Variants in DYSF observed in about 807,000 individuals in gnomAD.
DYSF encodes the protein dysferlin.
Under a neutral mutation model 274.9 loss-of-function variants are expected in DYSF, and 212 were observed. That is an observed-to-expected ratio of 0.77 (90% CI 0.69 to 0.86). The LOEUF is 0.86. Among genes scored for constraint, DYSF ranks in the 40% least tolerant of loss-of-function variants. The probability of loss-of-function intolerance (pLI) is 0.00; values close to 1 mark genes in which losing one functional copy is unlikely to be tolerated. For missense variants in DYSF, 2,666 were observed against 2,783.2 expected (o/e 0.96, Z 0.95); for synonymous variants, 1,091 against 1,078.7 (o/e 1.01, Z -0.22).
In DYSF at chr2:71,656,172, C is replaced by T. The variant is rs781670260; in HGVS notation, c.4637C>T (p.Thr1546Ile). 1.2e-5 allele frequency: 19 copies of T among 1,614,010 alleles called. No homozygotes were observed. The highest frequency in any genetic ancestry group is 1.5e-5 in the Non-Finnish European group (18 of 1,180,038). ...KDFDTLKVYDTQLENVEAFEG... is the reference protein window; with the variant it reads ...KDFDTLKVYDIQLENVEAFEG... ...CCCCATGTGTGGCAGGTCTATGACA[C>T]ACAGCTGGAGAATGTGGAGGCCTTT... Residue 1546 changes from threonine to isoleucine, a missense_variant, in exon 43 of 56, where the codon ACA becomes ATA. Physicochemically the swap from Thr to Ile is moderately conservative, Grantham distance 89. Transcript: ENST00000410020.
At chr2:71,505,532 T>C (rs1559027341) in intron 4 of DYSF, among the ~76,000 whole-genome samples, 1 of 152,222 alleles carries the variant, frequency 6.6e-6, no homozygotes, top group East Asian at 1.9e-4. Context: ...TGCCGCAGGC[T>C]GACTGCAGAC....
At chr2:71,572,947 C>T (rs1254627477) in intron 29 of DYSF, among the ~76,000 whole-genome samples, 3 of 152,180 alleles carry the variant, frequency 2.0e-5, no homozygotes, top group African/African-American at 7.2e-5. Context: ...ACTGTCAGGC[C>T]CATCGTGCAC....
At chr2:71,672,609 G>A (rs1290211068) in intron 51 of DYSF, among the ~76,000 whole-genome samples, 2 of 152,182 alleles carry the variant, frequency 1.3e-5, no homozygotes, top group Non-Finnish European at 2.9e-5. Context: ...GGAGCATAAT[G>A]AGCGCCTGGG....
intron 36 of DYSF, among the ~76,000 whole-genome samples, chr2:71,605,508 A>G (rs2093630615): frequency 6.6e-6 from 1 of 151,908 alleles, no homozygotes; most frequent in Non-Finnish European, 1.5e-5. Flanking sequence ...GGGGCTTGTG[A>G]TCCTGACCAT....
At chr2:71,595,316 G>A (rs2093375546) in intron 32 of DYSF, among the ~76,000 whole-genome samples, 1 of 152,170 alleles carries the variant, frequency 6.6e-6, no homozygotes. Context: ...ATTGGCAGGC[G>A]ATCCCACCCT....
At chr2:71,574,168 G>A (rs780189283) in intron 29 of DYSF, 30 bp from the exon 30 acceptor site, 1 of 1,610,506 alleles carries the variant, frequency 6.2e-7, no homozygotes, top group Admixed American at 1.7e-5. Context: ...CTTCCCACCG[G>A]CCTCTGAGTC....
At chr2:71,610,511 A>G (rs937254660) in intron 36 of DYSF, among the ~76,000 whole-genome samples, 2 of 152,270 alleles carry the variant, frequency 1.3e-5, no homozygotes, top group African/African-American at 4.8e-5. Flanking sequence ...TTCCTCATGT[A>G]GTTCTTTGTG....
At chr2:71,484,668 C>T (rs887074348) in intron 3 of DYSF, among the ~76,000 whole-genome samples, 3 of 152,212 alleles carry the variant, frequency 2.0e-5, no homozygotes, top group Non-Finnish European at 4.4e-5. Flanking sequence ...CCACCTCTCC[C>T]TGCTACCCTT....
At chr2:71,661,725 A>G (rs908832885) in intron 45 of DYSF, among the ~76,000 whole-genome samples, 1 of 152,150 alleles carries the variant, frequency 6.6e-6, no homozygotes, top group Admixed American at 6.5e-5. Flanking sequence ...CCTGCAGAAG[A>G]CACCTACTGT....
chr2:71,561,861 C>A lies in DYSF; in HGVS notation c.2326C>A (p.Leu776Met). Reference sequence around the variant, plus strand: ...CCAAATCACTGAGGCTGCCCTGGCCCTGAAGCTCGGCCACAGTGAGCTCCC... The same window carrying A: ...CCAAATCACTGAGGCTGCCCTGGCCATGAAGCTCGGCCACAGTGAGCTCCC... ...LSQITEAALA[L>M]KLGHSELPAA... Residue 776 changes from leucine (L) to methionine (M), a missense_variant, in exon 23 of 56, where the codon CTG becomes ATG. Transcript: ENST00000410020. 1 of 1,614,196 alleles carries A rather than the reference C, an allele frequency of 6.2e-7. No individual in the cohort carries two copies. The highest frequency in any genetic ancestry group is 1.1e-5 in the South Asian group (1 of 91,080).
intron 30 of DYSF, 138 bp downstream of exon 30, chr2:71,574,509 A>C: frequency 9.2e-7 from 1 of 1,086,824 alleles, no homozygotes; most frequent in Non-Finnish European, 1.3e-6. Flanking sequence ...TCCTGGCGTC[A>C]GTACCTGTGG....
At chr2:71,639,102 G>T (rs1235844730) in intron 41 of DYSF, among the ~76,000 whole-genome samples, 2 of 152,162 alleles carry the variant, frequency 1.3e-5, no homozygotes, top group Admixed American at 1.3e-4. Flanking sequence ...ATCTTTCCAT[G>T]TGCTATTGGC....
intron 30 of DYSF, among the ~76,000 whole-genome samples, chr2:71,582,554 C>T (rs1011185554): frequency 2.6e-5 from 4 of 152,122 alleles, no homozygotes; most frequent in Non-Finnish European, 5.9e-5. Context: ...ATCATGTTGG[C>T]ATTTGGATGT....
chr2:71,648,944 A>G (rs1189204015), intron 42 of DYSF, among the ~76,000 whole-genome samples: 1 of 152,144 alleles, frequency 6.6e-6, no homozygotes, highest in African/African-American at 2.4e-5. Context: ...AACCATTTGT[A>G]CATATTCAGG....
At chr2:71,655,087 C>T (rs2094743158) in intron 42 of DYSF, among the ~76,000 whole-genome samples, 1 of 152,088 alleles carries the variant, frequency 6.6e-6, no homozygotes, top group East Asian at 1.9e-4. Context: ...TGAGACTTCT[C>T]CCCTCACTTG....
At chr2:71,600,879 G>A (rs1405688514) in intron 34 of DYSF, 37 bp downstream of exon 34, 1 of 1,603,200 alleles carries the variant, frequency 6.2e-7, no homozygotes, top group Non-Finnish European at 8.5e-7. Context: ...GGAGGCCCAG[G>A]CAGGAGTGGG....
At chr2:71,530,171 G>A (rs2088511309) in intron 14 of DYSF, among the ~76,000 whole-genome samples, 1 of 148,014 alleles carries the variant, frequency 6.8e-6, no homozygotes, top group Admixed American at 6.7e-5. Flanking sequence ...AATGGGGACA[G>A]CTGCTTGAAG....
chr2:71,524,460 A>G (rs2087634780), intron 12 of DYSF, among the ~76,000 whole-genome samples: 1 of 152,246 alleles, frequency 6.6e-6, no homozygotes, highest in African/African-American at 2.4e-5. Context: ...GCTGAGGAGA[A>G]TAAACGCAGA....
At chr2:71,635,206 G>A (rs12614839) in intron 41 of DYSF, among the ~76,000 whole-genome samples, 40,242 of 152,082 alleles carry the variant, frequency 0.26, 6,446 homozygotes, top group East Asian at 0.39. Context: ...TCTAGTTCTC[G>A]CTTCCTTTCT....
Sources: allele counts gnomAD v4.1 joint callset (sites outside exome capture counted in the v4.1 genomes callset), GRCh38; gene constraint gnomAD v4.1.1; transcripts MANE v1.5; gene names NCBI Gene and HGNC (gene_info 2026-07-23, HGNC 2026-07-21).